Variants in FER1L6 observed in about 807,000 individuals in gnomAD.
FER1L6 encodes fer-1-like protein 6.
In FER1L6, 177 loss-of-function variants were observed where a neutral mutation model predicts 219.2. The observed-to-expected ratio is 0.81, with a 90% CI of 0.71 to 0.91. The LOEUF is 0.91. Ranked by LOEUF, FER1L6 falls within the 40% of genes least tolerant of loss-of-function variation. FER1L6 has a pLI of 0.00. For synonymous variants in FER1L6, 768 were observed against 824.3 expected (o/e 0.93, Z 1.17); for missense variants, 2,153 against 2,259.9 (o/e 0.95, Z 0.96).
At chr8:123,989,716 TC>T (rs1816759564) in intron 12 of FER1L6, among the ~76,000 whole-genome samples, 1 of 152,192 alleles carries the variant, frequency 6.6e-6, no homozygotes, top group Non-Finnish European at 1.5e-5. Flanking sequence ...TCCAGCTCCA[TC>T]CAAGTTTGCT....
intron 1 of FER1L6, among the ~76,000 whole-genome samples, chr8:123,894,423 T>C (rs1812709910): frequency 6.6e-6 from 1 of 152,202 alleles, no homozygotes; most frequent in African/African-American, 2.4e-5. Context: ...AGTGATTGGC[T>C]TTCTATGCGG....
intron 39 of FER1L6, among the ~76,000 whole-genome samples, chr8:124,115,790 C>A (rs1284517144): frequency 6.6e-6 from 1 of 152,158 alleles, no homozygotes; most frequent in Non-Finnish European, 1.5e-5. Flanking sequence ...TTAAAGAGAG[C>A]AGGTGACTTA....
intron 13 of FER1L6, among the ~76,000 whole-genome samples, 181 bp from the exon 14 acceptor site, chr8:124,010,413 T>A (rs938794081): frequency 2.0e-5 from 3 of 152,208 alleles, no homozygotes. Flanking sequence ...GCCATCTAAC[T>A]GTTCATTGTT....
intron 39 of FER1L6, among the ~76,000 whole-genome samples, chr8:124,117,174 G>A (rs1396657887): frequency 6.6e-6 from 1 of 152,198 alleles, no homozygotes; most frequent in Non-Finnish European, 1.5e-5. Context: ...ATTCCAGTTG[G>A]TTGGCTTGTT....
intron 28 of FER1L6, among the ~76,000 whole-genome samples, chr8:124,068,867 T>C (rs967452448): frequency 6.6e-6 from 1 of 152,106 alleles, no homozygotes; most frequent in African/African-American, 2.4e-5. Flanking sequence ...GTGTACAGAC[T>C]GTATGTAACA....
intron 16 of FER1L6, among the ~76,000 whole-genome samples, chr8:124,018,181 G>A (rs1818285982): frequency 6.6e-6 from 1 of 152,160 alleles, no homozygotes. Flanking sequence ...CCTAACAGTT[G>A]CTCAGTTCTT....
At position 123,986,314 on chromosome 8, in the gene FER1L6, T is replaced by C; in HGVS notation, c.1519+138T>C. On this transcript the variant is annotated intron_variant, in intron 12 of 40. Transcript: ENST00000522917. ...ATCTCAGAATGAGATGAACAATTCC[T>C]TGTCTACTCTATTGTCAATATATAA... 4 of 586,946 alleles carry C rather than the reference T, an allele frequency of 6.8e-6. No individual in the cohort carries two copies. The South Asian group carries it at 9.6e-5, about 14-fold the overall frequency. The allele number at this position is 586,946 out of a possible 1,614,324, so 36.4% of individuals were successfully genotyped here. A position where few individuals can be genotyped will look rare whatever the true frequency, so the allele number is the denominator to read the frequency against.
At chr8:124,102,837 AGAG>A (rs1422444127) in intron 38 of FER1L6, among the ~76,000 whole-genome samples, 1 of 152,216 alleles carries the variant, frequency 6.6e-6, no homozygotes, top group Non-Finnish European at 1.5e-5. Flanking sequence ...CTTAGGGAGC[AGAG>A]GAGGTGGTCA....
chr8:124,069,133 T>C (rs894464761), intron 28 of FER1L6, among the ~76,000 whole-genome samples: 1 of 151,920 alleles, frequency 6.6e-6, no homozygotes, highest in Non-Finnish European at 1.5e-5. Flanking sequence ...AGACGGGGTT[T>C]CACCGTGTTA....
chr8:124,114,990 C>T (rs1823184672), intron 39 of FER1L6, among the ~76,000 whole-genome samples: 1 of 142,818 alleles, frequency 7.0e-6, no homozygotes, highest in African/African-American at 2.6e-5. Flanking sequence ...TATGAGAATG[C>T]CTCATGTAAT....
intron 1 of FER1L6, among the ~76,000 whole-genome samples, chr8:123,913,514 T>A (rs907488532): frequency 6.6e-6 from 1 of 152,192 alleles, no homozygotes; most frequent in African/African-American, 2.4e-5. Context: ...GGTCTGGCTG[T>A]CAGGTCACCT....
chr8:124,025,898 A>G (rs1416925869), intron 18 of FER1L6, among the ~76,000 whole-genome samples: 1 of 152,198 alleles, frequency 6.6e-6, no homozygotes, highest in East Asian at 1.9e-4. Context: ...TCACTTGTGT[A>G]ATTTGTCCAT....
At chr8:124,026,038 G>T (rs1818692881) in intron 18 of FER1L6, among the ~76,000 whole-genome samples, 1 of 152,014 alleles carries the variant, frequency 6.6e-6, no homozygotes, top group Non-Finnish European at 1.5e-5. Context: ...CAACTGGGGG[G>T]TCCTGCACCC....
chr8:123,897,683 A>C (rs1029019361), intron 1 of FER1L6, among the ~76,000 whole-genome samples: 1 of 152,252 alleles, frequency 6.6e-6, no homozygotes, highest in Non-Finnish European at 1.5e-5. Flanking sequence ...GCCATGTTTC[A>C]GTGAATAATC....
chr8:124,011,797 T>TTTTC (rs1397967784), intron 14 of FER1L6, among the ~76,000 whole-genome samples: 5 of 152,188 alleles, frequency 3.3e-5, no homozygotes, highest in African/African-American at 1.2e-4. Context: ...CACCCTGTTA[T>TTTTC]TTTCCTTTGG....
chr8:123,907,069 C>T (rs916460667), intron 1 of FER1L6, among the ~76,000 whole-genome samples: 6 of 152,176 alleles, frequency 3.9e-5, no homozygotes, highest in African/African-American at 1.2e-4. Context: ...AGCAGCCATA[C>T]ACAATGTGTA....
chr8:123,923,849 A>C (rs1428407564), intron 1 of FER1L6, among the ~76,000 whole-genome samples: 1 of 151,300 alleles, frequency 6.6e-6, no homozygotes, highest in East Asian at 2.0e-4. Context: ...AGGCAGGAGA[A>C]TTGCTTGAAC....
chr8:123,928,149 CAT>C (rs1206899669), intron 1 of FER1L6, among the ~76,000 whole-genome samples: 8 of 152,082 alleles, frequency 5.3e-5, no homozygotes, highest in Non-Finnish European at 7.4e-5. Context: ...ACAAAAGTAA[CAT>C]AGATGAATAT....
intron 18 of FER1L6, among the ~76,000 whole-genome samples, chr8:124,025,252 A>C (rs1034311248): frequency 2.0e-5 from 3 of 152,052 alleles, no homozygotes; most frequent in Admixed American, 6.6e-5. Flanking sequence ...CTTAGTCATA[A>C]ATTCTTTGCC....
Sources: gnomAD v4.1 joint callset for allele counts (sites outside exome capture counted in the v4.1 genomes callset) on GRCh38, gnomAD v4.1.1 for gene constraint, MANE v1.5 for transcripts, NCBI Gene and HGNC (gene_info 2026-07-23, HGNC 2026-07-21) for gene names.